The following GRM7 variants were observed in gnomAD, a reference collection of about 807,000 sequenced individuals.
GRM7 encodes glutamate metabotropic receptor 7, also known as metabotropic glutamate receptor 7.
GRM7 carries 35 observed loss-of-function variants against 84.5 expected under a neutral mutation model. The observed-to-expected ratio is 0.41, with a 90% CI of 0.32 to 0.55. The LOEUF (loss-of-function observed/expected upper bound fraction) is 0.55, where lower values mean the gene tolerates loss of function less well. Among genes scored for constraint, GRM7 ranks in the 20% least tolerant of loss-of-function variants. The pLI is 0.19. For synonymous variants in GRM7, 487 were observed against 455.1 expected (o/e 1.07, Z -0.89); for missense variants, 1,003 against 1,194.6 (o/e 0.84, Z 2.36).
intron 1 of GRM7, among the ~76,000 whole-genome samples, chr3:7,039,994 C>T (rs1199932863): frequency 1.3e-5 from 2 of 152,116 alleles, no homozygotes; most frequent in Non-Finnish European, 2.9e-5. Context: ...AATTGCTTGG[C>T]AATTATCTGT....
Position 7,470,947 on chromosome 3 carries a change from A to C in GRM7, c.1515+9225A>C, listed in dbSNP as rs146200505. Among the ~76,000 whole-genome samples, 678 of 151,940 alleles carry C rather than the reference A, an allele frequency of 4.5e-3. 14 individuals carry two copies. In the South Asian group the frequency reaches 0.058, roughly 13 times the overall value. On this transcript the variant is annotated intron_variant, in intron 7 of 9. Transcript: ENST00000357716. ...AAAGTGCTTCCATCCAATTGGGAGA[A>C]ACTCTCATGAAGTGGGGCATCGTCA...
rs55716077 is a variant in GRM7 at position 7,680,191 on chromosome 3, C to T, written c.2594C>T (p.Ala865Val). 46 of 1,613,998 alleles carry T rather than the reference C, an allele frequency of 2.9e-5. No homozygotes were observed. Among genetic ancestry groups the T allele is most frequent in the Non-Finnish European group, 3.5e-5 (41 of 1,180,006 alleles). Reference sequence around the variant, plus strand: ...CAGAAACGGAAGCGAAGCTTCAAGGCGGTAGTCACAGCAGCCACCATGTCA... The same window carrying T: ...CAGAAACGGAAGCGAAGCTTCAAGGTGGTAGTCACAGCAGCCACCATGTCA... ...NVQKRKRSFKAVVTAATMSSR... is the reference protein window; with the variant it reads ...NVQKRKRSFKVVVTAATMSSR... The change falls in exon 9 of 10, where the codon GCG becomes GTG. Residue 865 changes from alanine to valine, a missense_variant. By Grantham distance (64) the Ala-to-Val change is moderately conservative. Coordinates refer to ENST00000357716, the MANE Select transcript of GRM7 (RefSeq NM_000844.4).
At chr3:7,737,516 T>C (rs1201430908) in intron 9 of GRM7, among the ~76,000 whole-genome samples, 1 of 152,212 alleles carries the variant, frequency 6.6e-6, no homozygotes, top group Non-Finnish European at 1.5e-5. Context: ...ATAAACTACA[T>C]TTCTAGTGAA....
At chr3:7,459,699 C>T (rs1003685661) in intron 6 of GRM7, among the ~76,000 whole-genome samples, 1 of 152,110 alleles carries the variant, frequency 6.6e-6, no homozygotes, top group African/African-American at 2.4e-5. Context: ...CCCACTGGGT[C>T]CCTCCCACAA....
At chr3:7,297,596 C>G (rs1226646855) in intron 2 of GRM7, among the ~76,000 whole-genome samples, 1 of 152,028 alleles carries the variant, frequency 6.6e-6, no homozygotes, top group Non-Finnish European at 1.5e-5. Context: ...ATTGGGATTC[C>G]AGTGTAATGA....
chr3:7,176,252 A>AG (rs1478489560), intron 2 of GRM7, among the ~76,000 whole-genome samples: 1 of 145,698 alleles, frequency 6.9e-6, no homozygotes, highest in Admixed American at 6.8e-5. Flanking sequence ...AAAAAAAAAA[A>AG]AAAAAAAAAA....
chr3:7,110,673 G>A (rs1046091928), intron 1 of GRM7, among the ~76,000 whole-genome samples: 2 of 151,010 alleles, frequency 1.3e-5, no homozygotes, highest in African/African-American at 4.9e-5. Context: ...AAGTCCTTTG[G>A]CATTCATTTC....
chr3:7,379,933 G>T (rs913706561), intron 4 of GRM7, among the ~76,000 whole-genome samples: 1 of 152,060 alleles, frequency 6.6e-6, no homozygotes, highest in Non-Finnish European at 1.5e-5. Flanking sequence ...TCATCACCCT[G>T]GGTCTCCAAT....
At chr3:7,197,305 G>T in intron 2 of GRM7, among the ~76,000 whole-genome samples, 1 of 152,166 alleles carries the variant, frequency 6.6e-6, no homozygotes, top group East Asian at 1.9e-4. Context: ...ACACTCACCA[G>T]TTACATCCAA....
At chr3:6,913,242 C>T (rs1696832473) in intron 1 of GRM7, among the ~76,000 whole-genome samples, 2 of 152,134 alleles carry the variant, frequency 1.3e-5, no homozygotes, top group African/African-American at 2.4e-5. Flanking sequence ...ATATTATTTT[C>T]ATTGGCTTTA....
At chr3:7,608,055 ACATGACT>A (rs1170518441) in intron 8 of GRM7, 7 of 359,142 alleles carry the variant, frequency 1.9e-5, no homozygotes, top group Non-Finnish European at 4.1e-5. Flanking sequence ...CCTGCAAAAG[ACATGACT>A]CATGCTTTTT....
At chr3:7,359,365 G>C (rs1253789348) in intron 4 of GRM7, among the ~76,000 whole-genome samples, 1 of 110,978 alleles carries the variant, frequency 9.0e-6, no homozygotes, top group Non-Finnish European at 1.7e-5. Flanking sequence ...AGACAGTCTT[G>C]CTCTGTTGCC....
chr3:7,458,378 A>G (rs767668621), intron 6 of GRM7, among the ~76,000 whole-genome samples: 21 of 152,306 alleles, frequency 1.4e-4, no homozygotes, highest in Non-Finnish European at 2.8e-4. Flanking sequence ...TTTAAAATAT[A>G]GAGTTCATTG....
At chr3:6,888,162 T>A (rs1172825800) in intron 1 of GRM7, among the ~76,000 whole-genome samples, 1 of 152,072 alleles carries the variant, frequency 6.6e-6, no homozygotes, top group Non-Finnish European at 1.5e-5. Flanking sequence ...TTGCGAAAAT[T>A]TTCTCCCATT....
intron 8 of GRM7, among the ~76,000 whole-genome samples, chr3:7,591,026 G>A (rs1390508606): frequency 6.6e-6 from 1 of 152,150 alleles, no homozygotes; most frequent in Non-Finnish European, 1.5e-5. Context: ...AATGAAAGAA[G>A]GAATGAATGA....
chr3:7,271,205 A>G (rs910728349), intron 2 of GRM7, among the ~76,000 whole-genome samples: 1 of 152,204 alleles, frequency 6.6e-6, no homozygotes, highest in Admixed American at 6.5e-5. Context: ...GAGGAAAAAA[A>G]AGTTTTAAAA....
intron 9 of GRM7, among the ~76,000 whole-genome samples, chr3:7,700,567 G>T (rs1177100547): frequency 6.6e-6 from 1 of 152,134 alleles, no homozygotes; most frequent in African/African-American, 2.4e-5. Flanking sequence ...TTCATAAATA[G>T]TAAATAGATT....
chr3:7,447,600 A>T (rs547423064), intron 5 of GRM7, among the ~76,000 whole-genome samples: 1 of 152,112 alleles, frequency 6.6e-6, no homozygotes, highest in Non-Finnish European at 1.5e-5. Flanking sequence ...TGGTCTCCTC[A>T]GGACTACAAA....
At chr3:7,137,808 A>G (rs1161365375) in intron 1 of GRM7, among the ~76,000 whole-genome samples, 3 of 152,104 alleles carry the variant, frequency 2.0e-5, no homozygotes, top group Admixed American at 2.0e-4. Context: ...CGTCATTAAG[A>G]AGGAGTGTGA....
Sources: gnomAD v4.1 joint callset for allele counts (sites outside exome capture counted in the v4.1 genomes callset) on GRCh38, gnomAD v4.1.1 for gene constraint, MANE v1.5 for transcripts, NCBI Gene and HGNC (gene_info 2026-07-23, HGNC 2026-07-21) for gene names.